Variants in ZSWIM6 observed in about 807,000 individuals in gnomAD.
The protein encoded by ZSWIM6 is zinc finger SWIM domain-containing protein 6.
ZSWIM6 carries 9 observed loss-of-function variants against 113.2 expected under a neutral mutation model. The ratio of observed to expected loss-of-function variants is 0.08; its 90% CI spans 0.05 to 0.14. The LOEUF (loss-of-function observed/expected upper bound fraction) is 0.14, where lower values mean the gene tolerates loss of function less well. ZSWIM6 is among the 10% of genes least tolerant of loss of function. The pLI is 1.00. For missense variants in ZSWIM6, 1,162 were observed against 1,552.2 expected, an observed-to-expected ratio of 0.75 and a Z score of 4.22; for synonymous variants, 611 against 606.5, an observed-to-expected ratio of 1.01 and a Z score of -0.11.
rs192669267 is a variant in ZSWIM6, at chr5:61,392,315, T to G, written c.676+59367T>G. On this transcript the variant is annotated intron_variant, in intron 1 of 13. Coordinates refer to ENST00000252744, the MANE Select transcript of ZSWIM6 (RefSeq NM_020928.2). ...TATATACCTTTTTCTCCTGTATCTT[T>G]TATCCTGTAAAGTGGTGTTTGTGAT... Among the ~76,000 whole-genome samples the G allele has an allele frequency of 2.0e-3, 305 of 152,344 alleles. 1 individual carries two copies. The highest frequency in any genetic ancestry group is 3.8e-3 in the Non-Finnish European group (259 of 68,032).
chr5:61,501,706 T>C (rs1278098114), intron 4 of ZSWIM6, among the ~76,000 whole-genome samples: 1 of 152,216 alleles, frequency 6.6e-6, no homozygotes, highest in Non-Finnish European at 1.5e-5. Flanking sequence ...ACTTGAGTGT[T>C]ACTGTCTTAT....
rs1415321093 is a variant in ZSWIM6 at position 61,333,612 on chromosome 5, C to T, written c.676+664C>T. On this transcript the variant is annotated intron_variant, in intron 1 of 13. Coordinates refer to ENST00000252744, the MANE Select transcript of ZSWIM6 (RefSeq NM_020928.2). ...CCGCCCGGGGTTTAAATGTCGTTTTCTTTGCGCCTCCTCAGTCTCCAAGCG... is the reference window on the plus strand; with the variant it reads ...CCGCCCGGGGTTTAAATGTCGTTTTTTTTGCGCCTCCTCAGTCTCCAAGCG... 4.6e-5 allele frequency among the ~76,000 whole-genome samples: 7 copies of T among 151,928 alleles called. No individual in the cohort carries two copies. The South Asian group carries it at 1.0e-3, about 22-fold the overall frequency.
intron 1 of ZSWIM6, among the ~76,000 whole-genome samples, chr5:61,410,519 A>G (rs905231139): frequency 1.3e-5 from 2 of 151,922 alleles, no homozygotes; most frequent in African/African-American, 2.4e-5. Context: ...CATGTTGGCC[A>G]GGATGGTCTC....
intron 1 of ZSWIM6, among the ~76,000 whole-genome samples, chr5:61,431,321 C>G (rs899903862): frequency 4.4e-5 from 6 of 136,010 alleles, no homozygotes; most frequent in Non-Finnish European, 7.6e-5. Flanking sequence ...TGCAGTGAGC[C>G]GAGATCGTGC....
intron 1 of ZSWIM6, among the ~76,000 whole-genome samples, chr5:61,345,469 T>G (rs533178747): frequency 6.6e-6 from 1 of 152,316 alleles, no homozygotes; most frequent in East Asian, 1.9e-4. Context: ...TTGTATTTGT[T>G]CTTGAGTAAT....
At chr5:61,391,008 C>A in intron 1 of ZSWIM6, 1 of 752,808 alleles carries the variant, frequency 1.3e-6, no homozygotes, top group South Asian at 1.4e-5. Flanking sequence ...CAAAGTATCC[C>A]TGGCTGATCT....
chr5:61,464,502 T>A (rs1204779296), intron 1 of ZSWIM6, among the ~76,000 whole-genome samples: 1 of 152,148 alleles, frequency 6.6e-6, no homozygotes, highest in African/African-American at 2.4e-5. Flanking sequence ...ATATGATGCC[T>A]GCTTTGCAGG....
intron 1 of ZSWIM6, among the ~76,000 whole-genome samples, chr5:61,452,393 C>G (rs1747102338): frequency 2.0e-5 from 3 of 152,064 alleles, no homozygotes; most frequent in Admixed American, 6.6e-5. Flanking sequence ...TTGCATGTCT[C>G]TTGGTGCACG....
intron 1 of ZSWIM6, among the ~76,000 whole-genome samples, chr5:61,426,498 TACAG>T (rs1239202918): frequency 1.3e-5 from 2 of 152,196 alleles, no homozygotes; most frequent in African/African-American, 2.4e-5. Context: ...CAAAACTACA[TACAG>T]ACAGCACAGC....
chr5:61,445,055 T>C (rs1450525674), intron 1 of ZSWIM6, among the ~76,000 whole-genome samples: 1 of 152,150 alleles, frequency 6.6e-6, no homozygotes, highest in Non-Finnish European at 1.5e-5. Context: ...TGGTGTCTAG[T>C]AGTTGCTGCC....
At chr5:61,337,171 C>T (rs772436708) in intron 1 of ZSWIM6, among the ~76,000 whole-genome samples, 1 of 151,742 alleles carries the variant, frequency 6.6e-6, no homozygotes, top group East Asian at 1.9e-4. Flanking sequence ...TCCCGCCGCT[C>T]GGGAGGCTGG....
At chr5:61,467,964 T>C (rs866422163) in intron 1 of ZSWIM6, among the ~76,000 whole-genome samples, 1 of 152,158 alleles carries the variant, frequency 6.6e-6, no homozygotes, top group Non-Finnish European at 1.5e-5. Flanking sequence ...GAAAGTGTTA[T>C]GGGTGAAAGG....
In ZSWIM6 at chr5:61,543,564, C is replaced by T. The variant is rs1190266268; in HGVS notation, c.2895C>T (p.Arg965=). Residue 965 remains arginine (R), a synonymous_variant, in exon 14 of 14, where the codon CGC becomes CGT. Transcript: ENST00000252744. This position sits in a 1 kb window ranked among gnomAD's most constrained non-coding sequence, Gnocchi z 4.3. ...TGATGTCCAACAGCACCATCGTCCG[C>T]CTCCACCTGGACTGCCACCAGCAGG... ...TTVMSNSTIV[R]LHLDCHQQEK... 1.3e-6 allele frequency: 2 copies of T among 1,551,628 alleles called. No individual in the cohort carries two copies. Among genetic ancestry groups the T allele is most frequent in the Non-Finnish European group, 1.7e-6 (2 of 1,147,034 alleles).
chr5:61,518,163 C>T (rs548940444), intron 4 of ZSWIM6, among the ~76,000 whole-genome samples: 2 of 151,956 alleles, frequency 1.3e-5, no homozygotes, highest in East Asian at 1.9e-4. Context: ...GTATATGTGC[C>T]ACATTTTCTT....
chr5:61,503,968 A>C (rs1748538293), intron 4 of ZSWIM6, among the ~76,000 whole-genome samples: 3 of 152,126 alleles, frequency 2.0e-5, no homozygotes, highest in Admixed American at 1.3e-4. Context: ...CTTCCCAAAA[A>C]TAGTGAAAGT....
chr5:61,338,455 A>G (rs1348117981), intron 1 of ZSWIM6, among the ~76,000 whole-genome samples: 1 of 152,198 alleles, frequency 6.6e-6, no homozygotes, highest in African/African-American at 2.4e-5. Context: ...TTTTGAAACC[A>G]GTTGCATAGG....
At chr5:61,517,236 C>T (rs1469855484) in intron 4 of ZSWIM6, among the ~76,000 whole-genome samples, 1 of 152,024 alleles carries the variant, frequency 6.6e-6, no homozygotes, top group Non-Finnish European at 1.5e-5. Context: ...TTCTTCTCCT[C>T]ATCTTTTGGG....
At chr5:61,344,175 G>A (rs150104039) in intron 1 of ZSWIM6, among the ~76,000 whole-genome samples, 9 of 152,326 alleles carry the variant, frequency 5.9e-5, no homozygotes, top group African/African-American at 2.2e-4. Context: ...GATTACAGGT[G>A]TGAGCCACTG....
intron 1 of ZSWIM6, among the ~76,000 whole-genome samples, chr5:61,410,762 C>A (rs1746136020): frequency 6.6e-6 from 1 of 152,124 alleles, no homozygotes; most frequent in African/African-American, 2.4e-5. Flanking sequence ...AAGGTCATTT[C>A]ATTTAATACA....
Sources: gnomAD v4.1 joint callset for allele counts (sites outside exome capture counted in the v4.1 genomes callset) on GRCh38, gnomAD v4.1.1 for gene constraint, Gnocchi (gnomAD v3.1) non-coding constraint, MANE v1.5 for transcripts, NCBI Gene and HGNC (gene_info 2026-07-23, HGNC 2026-07-21) for gene names.